Variants in RABL6 observed in about 807,000 individuals in gnomAD.
The protein encoded by RABL6 is RAB, member RAS oncogene family like 6.
Under a neutral mutation model 72.9 loss-of-function variants are expected in RABL6, and 28 were observed. That is an observed-to-expected ratio of 0.38 (90% CI 0.28 to 0.53). The LOEUF is 0.53. Ranked by LOEUF, RABL6 falls within the 20% of genes least tolerant of loss-of-function variation. RABL6 has a pLI of 0.80. For missense variants in RABL6, 1,029 were observed against 1,008.4 expected (o/e 1.02, Z -0.28); for synonymous variants, 477 against 421.2 (o/e 1.13, Z -1.62).
chr9:136,825,964 C>A, intron 3 of RABL6, 138 bp downstream of exon 3: 2 of 1,030,122 alleles, frequency 1.9e-6, no homozygotes, highest in Non-Finnish European at 2.9e-6. Flanking sequence ...TGCTCTGCTC[C>A]CCTCCACATC....
rs745817863 is a variant in RABL6 at position 136,823,599 on chromosome 9, G to A, written c.205G>A (p.Val69Met). 2.7e-5 allele frequency: 44 copies of A among 1,613,664 alleles called. No individual in the cohort carries two copies. Among genetic ancestry groups the A allele is most frequent in the East Asian group, 4.5e-5 (2 of 44,898 alleles). ...GCACCGCCTGCAGGGCCGGCCGTTC[G>A]TGGAGGAGTACATCCCCACACAGGA... ...LWHRLQGRPF[V>M]EEYIPTQEIQ... Residue 69 changes from valine (V) to methionine (M), a missense_variant, in exon 2 of 15, where the codon GTG becomes ATG. Around this residue, in one of 2 missense-constraint regions of RABL6, gnomAD observed 434 missense variants for 536.1 expected, o/e 0.81. Transcript: ENST00000311502.
Position 136,840,485 on chromosome 9 carries a change from G to A in RABL6, c.2153G>A (p.Gly718Asp), listed in dbSNP as rs575517462. 5.2e-6 allele frequency: 8 copies of A among 1,525,348 alleles called. No homozygotes were observed. The African/African-American group carries it at 1.1e-4, about 21-fold the overall frequency. 94.5% of individuals were successfully genotyped at this position (1,525,348 alleles called of 1,614,324 possible). A position where few individuals can be genotyped will look rare whatever the true frequency, so the allele number is the denominator to read the frequency against. The change falls in exon 15 of 15, where the codon GGC (glycine) becomes GAC (aspartate). Residue 718 changes from glycine to aspartate, a missense_variant. By Grantham distance (94) the Gly-to-Asp change is moderately conservative. This residue lies in a region of RABL6 where 595 missense variants were observed against 472.4 expected (regional missense o/e 1.26). Transcript: ENST00000311502. The stretch of plus-strand genomic sequence containing the variant: ...TTCCTGGGGGGCGGGGCCCCGGGCG[G>A]CCGCCACCCTGGGGGTGGCGACTAC... ...EAFLGGGAPG[G>D]RHPGGGDYEE...
intron 1 of RABL6, among the ~76,000 whole-genome samples, chr9:136,816,269 T>C (rs1848117090): frequency 6.6e-6 from 1 of 152,138 alleles, no homozygotes; most frequent in Non-Finnish European, 1.5e-5. Flanking sequence ...CATGCCTGGC[T>C]GAGTTTTGTA....
At position 136,839,841 on chromosome 9, in the gene RABL6, G is replaced by C. The variant is rs199759206; in HGVS notation, c.1906G>C (p.Gly636Arg). Reference sequence around the variant, plus strand: ...CTTCGGGCTGGGGCTGGAGGAGGCCGGACCCAAGGAGAGCAGTGAGGAAGG... The same window carrying C: ...CTTCGGGCTGGGGCTGGAGGAGGCCCGACCCAAGGAGAGCAGTGAGGAAGG... ...DLFGLGLEEAGPKESSEEGKE... is the reference protein window; with the variant it reads ...DLFGLGLEEARPKESSEEGKE... Residue 636 changes from glycine to arginine, a missense_variant, in exon 13 of 15, where the codon GGA becomes CGA. Gly to Arg is a moderately radical substitution (Grantham distance 125). Transcript: ENST00000311502. 1 of 1,612,268 alleles carries C rather than the reference G, an allele frequency of 6.2e-7. No individual in the cohort carries two copies. Among genetic ancestry groups the C allele is most frequent in the Admixed American group, 1.7e-5 (1 of 59,958 alleles).
In RABL6 at chr9:136,840,489, C is replaced by G. The variant is rs1272663161; in HGVS notation, c.2157C>G (p.Arg719=). The G allele has an allele frequency of 6.6e-7, 1 of 1,524,100 alleles. No individual in the cohort carries two copies. The highest frequency in any genetic ancestry group is 1.2e-5 in the South Asian group (1 of 81,160). 94.4% of individuals were successfully genotyped at this position (1,524,100 alleles called of 1,614,324 possible). A position where few individuals can be genotyped will look rare whatever the true frequency, so the allele number is the denominator to read the frequency against. ...TGGGGGGCGGGGCCCCGGGCGGCCG[C>G]CACCCTGGGGGTGGCGACTACGAGG... ...AFLGGGAPGG[R]HPGGGDYEEL The change falls in exon 15 of 15, where the codon CGC becomes CGG. Residue 719 remains arginine, a synonymous_variant. Transcript: ENST00000311502.
In RABL6 at chr9:136,839,047, G is replaced by A; in HGVS notation, c.1419G>A (p.Glu473=). Residue 473 remains glutamate, a synonymous_variant, in exon 11 of 15, where the codon GAG becomes GAA. Transcript: ENST00000311502. ...PSQDITLSSE[E]EAEVAAPTKG... is the part of the protein sequence containing the mutation. ...AAGACATCACTCTTTCGAGTGAGGA[G>A]GAAGCAGAAGTGGCAGCTCCCACAA... The A allele has an allele frequency of 6.2e-7, 1 of 1,612,534 alleles. No homozygotes were observed. Among genetic ancestry groups the A allele is most frequent in the Non-Finnish European group, 8.5e-7 (1 of 1,179,782 alleles).
chr9:136,812,469 G>A (rs1046686845), intron 1 of RABL6, among the ~76,000 whole-genome samples: 23 of 152,144 alleles, frequency 1.5e-4, no homozygotes, highest in African/African-American at 5.6e-4. Context: ...TGAGGCAGGA[G>A]AATCGCTTGA....
chr9:136,838,995 C>T lies in RABL6; in HGVS notation c.1367C>T (p.Pro456Leu), dbSNP rs200850241. 260 of 1,612,000 alleles carry T rather than the reference C, an allele frequency of 1.6e-4. No homozygotes were observed. The highest frequency in any genetic ancestry group is 3.1e-4 in the African/African-American group (23 of 75,050). Residue 456 changes from proline to leucine, a missense_variant, in exon 11 of 15, where the codon CCG becomes CTG. Physicochemically the swap from Pro to Leu is moderately conservative, Grantham distance 98. This residue lies in a region of RABL6 where 595 missense variants were observed against 472.4 expected (regional missense o/e 1.26). Coordinates refer to ENST00000311502, the MANE Select transcript of RABL6 (RefSeq NM_024718.5). ...GAAGACCAGCCACGTGGGAGTCCCC[C>T]GCTGCCTGCAGGCCCCGTCCCCAGT... The part of the protein sequence containing the change: ...DLEDQPRGSP[P>L]LPAGPVPSQD...
chr9:136,828,127 G>T, intron 3 of RABL6: 1 of 217,444 alleles, frequency 4.6e-6, no homozygotes. Context: ...CATATCCCTT[G>T]TACTTCCTCC....
intron 2 of RABL6, among the ~76,000 whole-genome samples, chr9:136,824,720 G>A (rs150185288): frequency 1.0e-3 from 154 of 152,106 alleles, no homozygotes; most frequent in East Asian, 7.4e-3. Flanking sequence ...GAGCTGCCAC[G>A]TGGTGACAGC....
chr9:136,808,480 C>T (rs1054724285), intron 1 of RABL6, 154 bp downstream of exon 1: 1 of 863,492 alleles, frequency 1.2e-6, no homozygotes, highest in Non-Finnish European at 1.5e-6. Flanking sequence ...GGGCGCGGGC[C>T]AGGGGACGCG....
intron 1 of RABL6, chr9:136,813,245 G>C: frequency 1.8e-6 from 1 of 549,410 alleles, no homozygotes; most frequent in Non-Finnish European, 3.4e-6. Context: ...GGAATTTAAA[G>C]CTGCTTTATC....
intron 7 of RABL6, chr9:136,834,009 C>T (rs1848536617): frequency 1.5e-5 from 22 of 1,492,300 alleles, no homozygotes; most frequent in Non-Finnish European, 1.9e-5. Context: ...AGAACGGGAC[C>T]CTGGACAGAG....
chr9:136,821,705 C>T (rs1848241357), intron 1 of RABL6: 1 of 1,021,258 alleles, frequency 9.8e-7, no homozygotes, highest in African/African-American at 1.7e-5. Flanking sequence ...CGCTGAGCGC[C>T]TGCGGCTCCG....
At chr9:136,831,588 A>G in intron 5 of RABL6, 133 bp from the exon 6 acceptor site, 3 of 1,314,234 alleles carry the variant, frequency 2.3e-6, no homozygotes, top group Non-Finnish European at 3.2e-6. Flanking sequence ...TGCACGAGGC[A>G]TGCTTCTGCT....
intron 1 of RABL6, among the ~76,000 whole-genome samples, chr9:136,811,295 G>A (rs1848006049): frequency 6.6e-6 from 1 of 152,206 alleles, no homozygotes; most frequent in Admixed American, 6.5e-5. Context: ...TTGAAGTGGG[G>A]GCTTCCAGGT....
Position 136,839,481 on chromosome 9 carries a change from A to G in RABL6, c.1753A>G (p.Arg585Gly). Reference protein sequence around the residue: ...FESEGSDTQRRADDFPVRDDP... With the variant: ...FESEGSDTQRGADDFPVRDDP... ...GAGCGAGGGATCAGACACACAGCGCAGGGCGGTAAGACGAGTCCTCCCGGG... is the reference window on the plus strand; with the variant it reads ...GAGCGAGGGATCAGACACACAGCGCGGGGCGGTAAGACGAGTCCTCCCGGG... The change falls in exon 12 of 15, where the codon AGG becomes GGG. Residue 585 changes from arginine to glycine, a missense_variant. Physicochemically the swap from Arg to Gly is moderately radical, Grantham distance 125 (BLOSUM62 -2). Transcript: ENST00000311502. 1.2e-6 allele frequency: 2 copies of G among 1,609,684 alleles called. No homozygotes were observed. Among genetic ancestry groups the G allele is most frequent in the South Asian group, 2.2e-5 (2 of 90,914 alleles).
intron 2 of RABL6, among the ~76,000 whole-genome samples, chr9:136,825,415 C>CCGTGCCCAGGATCGGGGCCG (rs1554769484): frequency 1.6e-4 from 10 of 61,578 alleles, no homozygotes; most frequent in African/African-American, 2.0e-4. Context: ...GATCGGGGCC[C>CCGTGCCCAGGATCGGGGCCG]GGGAGGGAGG....
At chr9:136,836,077 T>A in intron 8 of RABL6, 1 of 471,738 alleles carries the variant, frequency 2.1e-6, no homozygotes, top group Non-Finnish European at 3.8e-6. Context: ...TGCCTGCCAC[T>A]CTGAGTACCG....
Sources: allele counts gnomAD v4.1 joint callset (sites outside exome capture counted in the v4.1 genomes callset), GRCh38; gene constraint gnomAD v4.1.1; regional missense constraint gnomAD v4.1.1; transcripts MANE v1.5; gene names NCBI Gene and HGNC (gene_info 2026-07-23, HGNC 2026-07-21).